Variants in ZDHHC15 observed in about 807,000 individuals in gnomAD.
ZDHHC15 encodes the protein zDHHC palmitoyltransferase 15.
ZDHHC15 carries 19 observed loss-of-function variants against 31.7 expected under a neutral mutation model. That is an observed-to-expected ratio of 0.60 (90% CI 0.42 to 0.88). The LOEUF is 0.88. Among genes scored for constraint, ZDHHC15 ranks in the 40% least tolerant of loss-of-function variants. The pLI, the probability that ZDHHC15 is intolerant of heterozygous loss-of-function variation, is 0.00. For synonymous variants in ZDHHC15, 103 were observed against 90.0 expected, an observed-to-expected ratio of 1.14 and a Z score of -0.82; for missense variants, 209 against 251.2, an observed-to-expected ratio of 0.83 and a Z score of 1.14.
chrX:75,422,578 T>G (rs774706204), intron 8 of ZDHHC15, among the ~76,000 whole-genome samples: 5 of 111,650 alleles, frequency 4.5e-5, no homozygotes, highest in Non-Finnish European at 7.5e-5. Flanking sequence ...TGCACATTAT[T>G]TTTAGACACA....
chrX:75,444,849 C>T (rs1054149456), intron 4 of ZDHHC15, among the ~76,000 whole-genome samples: 2 of 107,891 alleles, frequency 1.9e-5, no homozygotes, highest in Non-Finnish European at 3.8e-5. Flanking sequence ...CTCTGCCTGA[C>T]TGCATGAGAT....
At chrX:75,431,214 T>C (rs1488580094) in intron 5 of ZDHHC15, among the ~76,000 whole-genome samples, 1 of 112,341 alleles carries the variant, frequency 8.9e-6, no homozygotes, top group Non-Finnish European at 1.9e-5. Flanking sequence ...AATCTGTAAG[T>C]CTAAAACTGT....
At chrX:75,446,242 G>A (rs1296896348) in intron 4 of ZDHHC15, among the ~76,000 whole-genome samples, 3 of 111,830 alleles carry the variant, frequency 2.7e-5, no homozygotes, top group African/African-American at 9.7e-5. Context: ...CAGGGAGTTA[G>A]AAAGCATTCT....
intron 3 of ZDHHC15, among the ~76,000 whole-genome samples, chrX:75,469,660 A>C (rs750583427): frequency 8.9e-6 from 1 of 111,894 alleles, no homozygotes; most frequent in South Asian, 3.7e-4. Context: ...CCTTTTGGCT[A>C]TTGTGAATAA....
chrX:75,494,328 G>A (rs1462187819), intron 2 of ZDHHC15, among the ~76,000 whole-genome samples: 5 of 111,494 alleles, frequency 4.5e-5, no homozygotes, highest in African/African-American at 1.6e-4. Flanking sequence ...TGGGTACGAA[G>A]AATCAATATC....
chrX:75,404,605 C>G (rs878905136), intron 10 of ZDHHC15, among the ~76,000 whole-genome samples: 1 of 111,700 alleles, frequency 9.0e-6, no homozygotes, highest in Non-Finnish European at 1.9e-5. Context: ...GACATACATG[C>G]AGCAAACAAA....
rs541238663 is a variant in ZDHHC15 at position 75,383,734 on chromosome X, G to GTTTTTTTTTT, written c.968-4537_968-4536insAAAAAAAAAA. 6.4e-5 allele frequency among the ~76,000 whole-genome samples: 5 copies of GTTTTTTTTTT among 77,803 alleles called. 2 individuals are homozygous for GTTTTTTTTTT. 67.6% of individuals were successfully genotyped at this position (77,803 alleles called of 115,157 possible). A position where few individuals can be genotyped will look rare whatever the true frequency, so the allele number is the denominator to read the frequency against. On this transcript the variant is annotated intron_variant, in intron 10 of 11. Transcript: ENST00000373367. Reference sequence around the variant, plus strand: ...ACTACCCCAAATTTAAGAAATGTTAGGTTTTTTTTTTTTTTTTTTTTTGAG... The same window carrying GTTTTTTTTTT: ...ACTACCCCAAATTTAAGAAATGTTAGTTTTTTTTTTGTTTTTTTTTTTTTTTTTTTTTGAG...
intron 3 of ZDHHC15, among the ~76,000 whole-genome samples, 185 bp from the exon 4 acceptor site, chrX:75,451,107 A>G (rs760271902): frequency 8.9e-6 from 1 of 112,181 alleles, no homozygotes; most frequent in African/African-American, 3.2e-5. Flanking sequence ...AATTATCAAA[A>G]GCATGAGATA....
chrX:75,455,098 T>C (rs186769645), intron 3 of ZDHHC15, among the ~76,000 whole-genome samples: 41 of 111,758 alleles, frequency 3.7e-4, no homozygotes, highest in Admixed American at 3.3e-3. Context: ...GGAGGCATCA[T>C]GCTACCTGAC....
intron 2 of ZDHHC15, among the ~76,000 whole-genome samples, chrX:75,489,264 T>C (rs775393832): frequency 8.9e-6 from 1 of 111,968 alleles, no homozygotes; most frequent in East Asian, 2.9e-4. Flanking sequence ...AGCACGCAGA[T>C]GGAGATCTGA....
intron 10 of ZDHHC15, among the ~76,000 whole-genome samples, chrX:75,380,684 G>C (rs2083104821): frequency 9.0e-6 from 1 of 111,090 alleles, no homozygotes; most frequent in African/African-American, 3.3e-5. Flanking sequence ...CAGGCTCTGG[G>C]TAATAGAAGA....
chrX:75,447,290 C>A (rs1243364629), intron 4 of ZDHHC15, among the ~76,000 whole-genome samples: 2 of 112,428 alleles, frequency 1.8e-5, no homozygotes, highest in Non-Finnish European at 3.8e-5. Context: ...GGAATAGACA[C>A]TTTGGATACA....
intron 1 of ZDHHC15, among the ~76,000 whole-genome samples, chrX:75,516,549 C>G (rs979056947): frequency 4.5e-5 from 5 of 112,327 alleles, no homozygotes; most frequent in African/African-American, 6.5e-5. Flanking sequence ...AAAGCTGAAA[C>G]TGGATCCCTT....
chrX:75,458,856 G>A (rs2084265849), intron 3 of ZDHHC15, among the ~76,000 whole-genome samples: 1 of 109,571 alleles, frequency 9.1e-6, no homozygotes, highest in Non-Finnish European at 1.9e-5. Flanking sequence ...AGGAATGAAA[G>A]TAGTGAGTGA....
chrX:75,499,216 G>A (rs1396241592), intron 2 of ZDHHC15, among the ~76,000 whole-genome samples: 1 of 111,317 alleles, frequency 9.0e-6, no homozygotes, highest in African/African-American at 3.3e-5. Context: ...CTAGACTTTG[G>A]TTTAGGCAAA....
At chrX:75,473,492 G>C (rs2084537032) in intron 3 of ZDHHC15, among the ~76,000 whole-genome samples, 1 of 110,791 alleles carries the variant, frequency 9.0e-6, no homozygotes, top group South Asian at 3.9e-4. Flanking sequence ...GCCACCAGGA[G>C]ACACAACGAT....
intron 2 of ZDHHC15, among the ~76,000 whole-genome samples, chrX:75,490,060 A>T (rs1394741740): frequency 9.0e-6 from 1 of 111,641 alleles, no homozygotes; most frequent in Non-Finnish European, 1.9e-5. Flanking sequence ...AAAAGAAACG[A>T]ACAAAGCCTC....
intron 2 of ZDHHC15, among the ~76,000 whole-genome samples, chrX:75,494,533 T>C (rs1368242254): frequency 8.9e-6 from 1 of 111,840 alleles, no homozygotes; most frequent in African/African-American, 3.3e-5. Flanking sequence ...CTTCAAACTA[T>C]ACTACAAGGC....
chrX:75,417,318 A>G, intron 9 of ZDHHC15, 128 bp from the exon 10 acceptor site: 1 of 409,240 alleles, frequency 2.4e-6, no homozygotes, highest in Non-Finnish European at 4.3e-6. Context: ...CCATGGTGGA[A>G]TGGGCTCTTA....
Sources: gnomAD v4.1 joint callset for allele counts (sites outside exome capture counted in the v4.1 genomes callset) on GRCh38, gnomAD v4.1.1 for gene constraint, MANE v1.5 for transcripts, NCBI Gene and HGNC (gene_info 2026-07-23, HGNC 2026-07-21) for gene names.